PLEKHH3: variants seen among roughly 807,000 people sequenced by gnomAD.
PLEKHH3 encodes pleckstrin homology, MyTH4 and FERM domain containing H3.
PLEKHH3 carries 57 observed loss-of-function variants against 77.8 expected under a neutral mutation model. That is an observed-to-expected ratio of 0.73 (90% CI 0.59 to 0.91). PLEKHH3 has a LOEUF of 0.91. Among genes scored for constraint, PLEKHH3 ranks in the 40% least tolerant of loss-of-function variants. The probability of loss-of-function intolerance (pLI) is 0.00; values close to 1 mark genes in which losing one functional copy is unlikely to be tolerated. For missense variants in PLEKHH3, 1,082 were observed against 1,091.2 expected (o/e 0.99, Z 0.12); for synonymous variants, 467 against 504.8 (o/e 0.93, Z 1.00).
chr17:42,670,838 C>G (rs977177847), intron 9 of PLEKHH3, 133 bp from the exon 10 acceptor site: 2 of 1,519,896 alleles, frequency 1.3e-6, no homozygotes, highest in African/African-American at 1.4e-5. Flanking sequence ...ATGCTGCAGT[C>G]GGACTGCAAA....
At chr17:42,670,897 G>C in intron 9 of PLEKHH3, 97 bp downstream of exon 9, 1 of 1,554,388 alleles carries the variant, frequency 6.4e-7, no homozygotes, top group Non-Finnish European at 8.7e-7. Flanking sequence ...CACAGCGCAG[G>C]GCCAGGGGCA....
intron 1 of PLEKHH3, chr17:42,674,995 T>A (rs573087316): frequency 6.6e-6 from 1 of 152,400 alleles, no homozygotes; most frequent in South Asian, 2.1e-4. Flanking sequence ...TGAGACTCAA[T>A]GGTGAGCAGA....
Position 42,676,358 on chromosome 17 carries a change from C to T in PLEKHH3, c.162+44G>A, listed in dbSNP as rs2052826838. ...AGCGGATCAGCGTGACGGCCGGTTA[C>T]AGCGAGAGTGATTGAGACGAGGCTC... is the stretch of plus-strand genomic sequence containing the variant. On this transcript the variant is annotated intron_variant, in intron 1 of 12. Transcript: ENST00000591022. The surrounding 1 kb of genome is among the most constrained non-coding windows in gnomAD (Gnocchi z 6.6). The T allele has an allele frequency of 1.2e-6, 2 of 1,608,382 alleles. No homozygotes were observed. The highest frequency in any genetic ancestry group is 1.3e-5 in the African/African-American group (1 of 74,880).
chr17:42,670,337 C>T lies in PLEKHH3; in HGVS notation c.1594G>A (p.Asp532Asn). ...LLLRGRPPPP[D>N]DTLRALAALR... ...GCCGCCAGGGCGCGCAGCGTGTCGT[C>T]GGGTGGGGGCGGCCGGCCCCGCAGC... The change falls in exon 11 of 13, where the codon GAC becomes AAC. Residue 532 changes from aspartate (D) to asparagine (N), a missense_variant. Physicochemically the swap from Asp to Asn is conservative, Grantham distance 23. Around this residue, in one of 3 missense-constraint regions of PLEKHH3, gnomAD observed 733 missense variants for 750.0 expected, o/e 0.98. Coordinates refer to ENST00000591022, the MANE Select transcript of PLEKHH3 (RefSeq NM_024927.5). 2.1e-6 allele frequency: 3 copies of T among 1,395,356 alleles called. No individual in the cohort carries two copies. The highest frequency in any genetic ancestry group is 2.8e-6 in the Non-Finnish European group (3 of 1,082,530). The allele number at this position is 1,395,356 out of a possible 1,614,324, so 86.4% of individuals were successfully genotyped here. A position where few individuals can be genotyped will look rare whatever the true frequency, so the allele number is the denominator to read the frequency against.
intron 11 of PLEKHH3, 90 bp downstream of exon 11, chr17:42,669,828 A>G: frequency 6.4e-7 from 1 of 1,562,110 alleles, no homozygotes; most frequent in Non-Finnish European, 8.7e-7. Flanking sequence ...GGATGTGGGG[A>G]ATTACGTGAC....
At position 42,670,727 on chromosome 17, in the gene PLEKHH3, A is replaced by G; in HGVS notation, c.1422-22T>C. 3 of 1,600,760 alleles carry G rather than the reference A, an allele frequency of 1.9e-6. No individual in the cohort carries two copies. In the South Asian group the frequency reaches 3.3e-5, roughly 18 times the overall value. On this transcript the variant is annotated intron_variant, in intron 9 of 12. Transcript: ENST00000591022. ...CAAGCTGCAGAAGAGGAGCGGACGA[A>G]GCGCTAGGGAGAAGCCGGACCCCTA...
Position 42,672,339 on chromosome 17 carries a change from G to A in PLEKHH3, c.823C>T (p.Gln275Ter). The A allele has an allele frequency of 6.5e-7, 1 of 1,545,916 alleles. No individual in the cohort carries two copies. The change falls in exon 7 of 13, where the codon CAG (glutamine) becomes TAG (stop). Residue 275 changes from glutamine to a stop codon, truncating the protein, a stop_gained. Coordinates refer to ENST00000591022, the MANE Select transcript of PLEKHH3 (RefSeq NM_024927.5). LOFTEE classifies it high-confidence loss of function. ...EEAVRLFLAL[Q>*]ALEGARRPGP... ...GGGCGCCGCGCCCCCTCCAGCGCCT[G>A]CAGCGCCAAGAACAGCCGCACCGCC...
At chr17:42,672,922 T>G (rs1446006892) in intron 6 of PLEKHH3, among the ~76,000 whole-genome samples, 1 of 151,276 alleles carries the variant, frequency 6.6e-6, no homozygotes, top group African/African-American at 2.4e-5. Context: ...AATAGGGGAG[T>G]GTACAAACTC....
rs1254561435 is a variant in PLEKHH3 at position 42,673,348 on chromosome 17, C to A, written c.648+51G>T. ...TGATGGGGAAGGGAGTTCCTCACAA[C>A]CCCAGAAAGCTTTGGGGTCCACCAC... On this transcript the variant is annotated intron_variant, in intron 5 of 12. Coordinates refer to ENST00000591022, the MANE Select transcript of PLEKHH3 (RefSeq NM_024927.5). 1.9e-6 allele frequency: 3 copies of A among 1,607,058 alleles called. No individual in the cohort carries two copies. The South Asian group carries it at 3.3e-5, about 18-fold the overall frequency.
chr17:42,672,225 A>T lies in PLEKHH3; in HGVS notation c.937T>A (p.Ser313Thr). The T allele has an allele frequency of 6.4e-7, 1 of 1,551,110 alleles. No homozygotes were observed. Among genetic ancestry groups the T allele is most frequent in the Non-Finnish European group, 8.7e-7 (1 of 1,147,064 alleles). The change falls in exon 7 of 13, where the codon TCG (serine) becomes ACG (threonine). Residue 313 changes from serine (S) to threonine (T), a missense_variant. Physicochemically the swap from Ser to Thr is moderately conservative, Grantham distance 58 (BLOSUM62 1). Around this residue, in one of 3 missense-constraint regions of PLEKHH3, gnomAD observed 733 missense variants for 750.0 expected, o/e 0.98. Transcript: ENST00000591022. Reference protein sequence around the residue: ...ELFLQLAKQTSGPAGPPGLPA... With the variant: ...ELFLQLAKQTTGPAGPPGLPA... ...AGCCCGGGGGGACCTGCAGGGCCCG[A>T]GGTCTGCTTAGCCAGCTGCAGGAAG...
Position 42,673,770 on chromosome 17 carries a change from C to G in PLEKHH3, c.363G>C (p.Trp121Cys), listed in dbSNP as rs1351065351. 4 of 1,595,834 alleles carry G rather than the reference C, an allele frequency of 2.5e-6. No homozygotes were observed. Among genetic ancestry groups the G allele is most frequent in the Non-Finnish European group, 2.5e-6 (3 of 1,177,470 alleles). ...ARPWLPPRRA[W>C]FVLTRDSLDQ... ...CCAGGGAGTCCCGCGTGAGCACAAA[C>G]CAGGCTCGGCGCGGGGGCAGCCAGG... The change falls in exon 4 of 13, where the codon TGG becomes TGC. Residue 121 changes from tryptophan (W) to cysteine (C), a missense_variant. Physicochemically the swap from Trp to Cys is radical, Grantham distance 215 (BLOSUM62 -2). Coordinates refer to ENST00000591022, the MANE Select transcript of PLEKHH3 (RefSeq NM_024927.5).
rs911687410 is a variant in PLEKHH3 at position 42,676,713 on chromosome 17, G to A, written c.-150C>T. 1.1e-4 allele frequency: 86 copies of A among 775,450 alleles called. No individual in the cohort carries two copies. Among genetic ancestry groups the A allele is most frequent in the Non-Finnish European group, 1.6e-4 (76 of 477,954 alleles). The allele number at this position is 775,450 out of a possible 1,614,324, so 48.0% of individuals were successfully genotyped here. ...GGACAGGGAGGAGGCAGTGTCCTGG[G>A]CTGGGGTGCAAGGGGACGCTAGCCA... On this transcript the variant is annotated 5_prime_UTR_variant, in exon 1 of 13. Transcript: ENST00000591022. The surrounding 1 kb of genome is among the most constrained non-coding windows in gnomAD (Gnocchi z 6.6).
chr17:42,674,131 G>T (rs2052768776), intron 2 of PLEKHH3, 118 bp from the exon 3 acceptor site: 1 of 1,199,766 alleles, frequency 8.3e-7, no homozygotes, highest in Non-Finnish European at 1.2e-6. Flanking sequence ...CCCCCAGGCT[G>T]TGGGAACCGC....
rs1369616277 is a variant in PLEKHH3 at position 42,670,987 on chromosome 17, C to T, written c.1421+7G>A. 4 of 1,609,016 alleles carry T rather than the reference C, an allele frequency of 2.5e-6. No individual in the cohort carries two copies. The highest frequency in any genetic ancestry group is 3.4e-6 in the Non-Finnish European group (4 of 1,178,740). ...AATAGAGAGCAGGGCTGGGGCTGGA[C>T]ATTTACTTCTCAAACCTGGTGAGCA... On this transcript the variant is annotated splice_region_variant and intron_variant, in intron 9 of 12. Transcript: ENST00000591022.
chr17:42,673,884 T>A, intron 3 of PLEKHH3, 50 bp from the exon 4 acceptor site: 1 of 1,582,058 alleles, frequency 6.3e-7, no homozygotes, highest in Non-Finnish European at 8.6e-7. Context: ...CATTAATCCC[T>A]AGGGGGTTGG....
rs1239337812 is a variant in PLEKHH3, at chr17:42,671,910, G to A, written c.1076+176C>T. Among the ~76,000 whole-genome samples, 1 of 152,100 alleles carries A rather than the reference G, an allele frequency of 6.6e-6. No homozygotes were observed. The highest frequency in any genetic ancestry group is 1.5e-5 in the Non-Finnish European group (1 of 68,030). On this transcript the variant is annotated intron_variant, in intron 7 of 12. Coordinates refer to ENST00000591022, the MANE Select transcript of PLEKHH3 (RefSeq NM_024927.5). This position sits in a 1 kb window ranked among gnomAD's most constrained non-coding sequence, Gnocchi z 4.7. ...TTTCATAACTCCTCAGCCCAAGGGG[G>A]GCGTTTTATTGTAATTCATCCGCTC... is the stretch of plus-strand genomic sequence containing the variant.
rs1163041849 is a variant in PLEKHH3, at chr17:42,676,839, A to G, written c.-276T>C. 1 of 513,776 alleles carries G rather than the reference A, an allele frequency of 1.9e-6. No homozygotes were observed. The highest frequency in any genetic ancestry group is 3.3e-5 in the Admixed American group (1 of 30,638). 31.8% of individuals were successfully genotyped at this position (513,776 alleles called of 1,614,324 possible). ...GGAGCAATGTCCGGAGCTGGGAAGT[A>G]GTGTCCGTTGGAGTGTCCAGCCCTG... is the stretch of plus-strand genomic sequence containing the variant. On this transcript the variant is annotated 5_prime_UTR_variant, in exon 1 of 13. Coordinates refer to ENST00000591022, the MANE Select transcript of PLEKHH3 (RefSeq NM_024927.5). The surrounding 1 kb of genome is among the most constrained non-coding windows in gnomAD (Gnocchi z 6.6).
In PLEKHH3 at chr17:42,669,530, T is replaced by G; in HGVS notation, c.2105A>C (p.His702Pro). ...LSRPGETEPI[H>P]SVSYGHVAAC... ...GGCCACATGGCCATAGCTGACACTG[T>G]GGATGGGCTCCGTCTCCCCTGGCCG... Residue 702 changes from histidine to proline, a missense_variant, in exon 12 of 13, where the codon CAC becomes CCC. His to Pro is a moderately conservative substitution (Grantham distance 77). Transcript: ENST00000591022. 6.2e-7 allele frequency: 1 copy of G among 1,611,802 alleles called. No homozygotes were observed. Among genetic ancestry groups the G allele is most frequent in the Non-Finnish European group, 8.5e-7 (1 of 1,178,880 alleles).
chr17:42,669,093 G>A (rs1359928529), intron 12 of PLEKHH3: 1 of 194,428 alleles, frequency 5.1e-6, no homozygotes, highest in Non-Finnish European at 1.0e-5. Flanking sequence ...TTACAGGCAT[G>A]AGCCACTGCA....
Sources: allele counts gnomAD v4.1 joint callset (sites outside exome capture counted in the v4.1 genomes callset), GRCh38; gene constraint gnomAD v4.1.1; regional missense constraint gnomAD v4.1.1; non-coding constraint Gnocchi (gnomAD v3.1); transcripts MANE v1.5; gene names NCBI Gene and HGNC (gene_info 2026-07-23, HGNC 2026-07-21).